The following ZNF429 variants were observed in gnomAD, a reference collection of about 807,000 sequenced individuals.
ZNF429 encodes zinc finger protein 429.
Under a neutral mutation model 56.8 loss-of-function variants are expected in ZNF429, and 53 were observed. That is an observed-to-expected ratio of 0.93 (90% CI 0.75 to 1.17). The LOEUF (loss-of-function observed/expected upper bound fraction) is 1.17. Ranked by LOEUF, ZNF429 falls within the 50% of genes most tolerant of loss-of-function variation. The probability of loss-of-function intolerance (pLI) is 0.00; values close to 1 mark genes in which losing one functional copy is unlikely to be tolerated. For synonymous variants in ZNF429, 278 were observed against 264.7 expected, an observed-to-expected ratio of 1.05 and a Z score of -0.49; for missense variants, 849 against 788.4, an observed-to-expected ratio of 1.08 and a Z score of -0.92.
At chr19:21,516,892 G>C (rs1443965041) in intron 1 of ZNF429, among the ~76,000 whole-genome samples, 1 of 151,926 alleles carries the variant, frequency 6.6e-6, no homozygotes, top group Non-Finnish European at 1.5e-5. Flanking sequence ...CTGCAAACAG[G>C]GTTAGTTTCC....
rs377716089 is a variant in ZNF429 at position 21,537,087 on chromosome 19, A to T, written c.1034A>T (p.Glu345Val). The T allele has an allele frequency of 3.7e-6, 6 of 1,613,910 alleles. No homozygotes were observed. The highest frequency in any genetic ancestry group is 5.1e-6 in the Non-Finnish European group (6 of 1,179,924). Residue 345 changes from glutamate (E) to valine (V), a missense_variant, in exon 4 of 4, where the codon GAA becomes GTA. By Grantham distance (121) the Glu-to-Val change is moderately radical. Transcript: ENST00000358491. ...HTGEKPYKCEECGKAFNWSST... is the reference protein window; with the variant it reads ...HTGEKPYKCEVCGKAFNWSST... ...GGTGAGAAACCCTACAAATGTGAAG[A>T]ATGTGGCAAAGCCTTTAACTGGTCT...
Position 21,538,336 on chromosome 19 carries a change from G to C in ZNF429, c.*258G>C, listed in dbSNP as rs944678025. Among the ~76,000 whole-genome samples, 1 of 142,450 alleles carries C rather than the reference G, an allele frequency of 7.0e-6. No individual in the cohort carries two copies. The highest frequency in any genetic ancestry group is 2.6e-5 in the African/African-American group (1 of 38,258). The allele number at this position is 142,450 out of a possible 152,430, so 93.5% of individuals were successfully genotyped here. A position where few individuals can be genotyped will look rare whatever the true frequency, so the allele number is the denominator to read the frequency against. On this transcript the variant is annotated 3_prime_UTR_variant, in exon 4 of 4. Coordinates refer to ENST00000358491, the MANE Select transcript of ZNF429 (RefSeq NM_001001415.4). ...TCATAGGCCAGGTATGGTGGCTCATGCCTGCCTGTAATCCCAGCACTTTGG... is the reference window on the plus strand; with the variant it reads ...TCATAGGCCAGGTATGGTGGCTCATCCCTGCCTGTAATCCCAGCACTTTGG...
intron 1 of ZNF429, among the ~76,000 whole-genome samples, chr19:21,506,778 T>TTTTTC: frequency 6.8e-6 from 1 of 146,746 alleles, no homozygotes; most frequent in East Asian, 2.0e-4. Context: ...TTTTTTTTTT[T>TTTTTC]TTTTTTTTGA....
intron 1 of ZNF429, among the ~76,000 whole-genome samples, chr19:21,522,791 G>A (rs1157425177): frequency 6.6e-6 from 1 of 152,104 alleles, no homozygotes; most frequent in Non-Finnish European, 1.5e-5. Flanking sequence ...CAGCTACTTG[G>A]AGGCCGAGAC....
At chr19:21,524,488 ACTGCAC>A (rs2033095535) in intron 1 of ZNF429, among the ~76,000 whole-genome samples, 1 of 152,042 alleles carries the variant, frequency 6.6e-6, no homozygotes, top group Non-Finnish European at 1.5e-5. Context: ...AGATCATGCC[ACTGCAC>A]TCCAGCCTGG....
chr19:21,538,773 C>A lies in ZNF429; in HGVS notation c.*695C>A, dbSNP rs991694981. ...AAAAATGTGGAAAAGCCATTAAAATCTGTTCACATCTTAACAACAGAGAGT... is the reference window on the plus strand; with the variant it reads ...AAAAATGTGGAAAAGCCATTAAAATATGTTCACATCTTAACAACAGAGAGT... On this transcript the variant is annotated 3_prime_UTR_variant, in exon 4 of 4. Transcript: ENST00000358491. 6.6e-6 allele frequency: 1 copy of A among 152,142 alleles called. No homozygotes were observed. The highest frequency in any genetic ancestry group is 2.4e-5 in the African/African-American group (1 of 41,438). 9.4% of individuals were successfully genotyped at this position (152,142 alleles called of 1,614,324 possible). A position where few individuals can be genotyped will look rare whatever the true frequency, so the allele number is the denominator to read the frequency against.
intron 1 of ZNF429, among the ~76,000 whole-genome samples, chr19:21,524,803 C>T (rs974161950): frequency 1.3e-5 from 2 of 152,144 alleles, no homozygotes; most frequent in South Asian, 4.1e-4. Flanking sequence ...GTTAATTCCG[C>T]TTCTGTTTCA....
intron 3 of ZNF429, among the ~76,000 whole-genome samples, chr19:21,531,796 ACT>A: frequency 6.8e-6 from 1 of 146,658 alleles, no homozygotes; most frequent in African/African-American, 2.5e-5. Flanking sequence ...ATGGAGTGAG[ACT>A]CTGTCTCAAA....
At position 21,538,277 on chromosome 19, in the gene ZNF429, CAAAAA is replaced by C. The variant is rs531427318; in HGVS notation, c.*217_*221del. Among the ~76,000 whole-genome samples, 14 of 34,382 alleles carry C rather than the reference CAAAAA, an allele frequency of 4.1e-4. No homozygotes were observed. The highest frequency in any genetic ancestry group is 6.5e-4 in the Non-Finnish European group (14 of 21,520). 22.6% of individuals were successfully genotyped at this position (34,382 alleles called of 152,430 possible). ...TGGGTGACAGAGCCAGACTCCATCTCAAAAAAAAAAAAAAAAAAAAAAGAAAAGAA... is the reference window on the plus strand; with the variant it reads ...TGGGTGACAGAGCCAGACTCCATCTCAAAAAAAAAAAAAAAAAGAAAAGAA... On this transcript the variant is annotated 3_prime_UTR_variant, in exon 4 of 4. Transcript: ENST00000358491.
At position 21,537,569 on chromosome 19, in the gene ZNF429, G is replaced by C. The variant is rs762182153; in HGVS notation, c.1516G>C (p.Glu506Gln). 3.1e-6 allele frequency: 5 copies of C among 1,613,594 alleles called. No individual in the cohort carries two copies. The Admixed American group carries it at 8.3e-5, about 27-fold the overall frequency. ...CAGTCATAAAAAAATTCATAGTGGA[G>C]AGAAACCCTACAAATGTGAAGAATG... ...LNSHKKIHSG[E>Q]KPYKCEECGK... Residue 506 changes from glutamate (E) to glutamine (Q), a missense_variant, in exon 4 of 4, where the codon GAG (glutamate) becomes CAG (glutamine). Transcript: ENST00000358491.
intron 1 of ZNF429, among the ~76,000 whole-genome samples, chr19:21,510,488 T>G (rs1404640647): frequency 6.6e-6 from 1 of 152,238 alleles, no homozygotes; most frequent in Non-Finnish European, 1.5e-5. Context: ...GCATGTTTAT[T>G]AAGAAAATAG....
chr19:21,531,546 A>G, intron 3 of ZNF429, among the ~76,000 whole-genome samples: 8 of 152,152 alleles, frequency 5.3e-5, no homozygotes, highest in African/African-American at 1.9e-4. Context: ...GCTCATGTCT[A>G]TAATCCCAGC....
At chr19:21,511,122 G>T (rs1181351664) in intron 1 of ZNF429, among the ~76,000 whole-genome samples, 1 of 152,166 alleles carries the variant, frequency 6.6e-6, no homozygotes, top group African/African-American at 2.4e-5. Flanking sequence ...GGTGGTGGCC[G>T]GGCAGAGGGG....
In ZNF429 at chr19:21,540,219, C is replaced by T. The variant is rs2033873277; in HGVS notation, c.*2141C>T. ...TAATGAAGCATTATTATGCTATCAACTTTAACCTATCCCACGTTACTCAAG... is the reference window on the plus strand; with the variant it reads ...TAATGAAGCATTATTATGCTATCAATTTTAACCTATCCCACGTTACTCAAG... On this transcript the variant is annotated 3_prime_UTR_variant, in exon 4 of 4. Transcript: ENST00000358491. Among the ~76,000 whole-genome samples, 1 of 152,088 alleles carries T rather than the reference C, an allele frequency of 6.6e-6. No individual in the cohort carries two copies. Among genetic ancestry groups the T allele is most frequent in the South Asian group, 2.1e-4 (1 of 4,830 alleles).
chr19:21,528,524 G>A (rs998249254), intron 1 of ZNF429, among the ~76,000 whole-genome samples: 1 of 152,002 alleles, frequency 6.6e-6, no homozygotes, highest in Admixed American at 6.6e-5. Context: ...GACCAACATG[G>A]TGAAACCCCA....
intron 1 of ZNF429, among the ~76,000 whole-genome samples, chr19:21,514,599 T>A (rs116566188): frequency 0.023 from 3,536 of 151,850 alleles, 91 homozygotes; most frequent in African/African-American, 0.057. Context: ...ATATATATAT[T>A]TTTTTATTTT....
chr19:21,507,959 G>T (rs1035983623), intron 1 of ZNF429, among the ~76,000 whole-genome samples: 1 of 152,126 alleles, frequency 6.6e-6, no homozygotes, highest in Non-Finnish European at 1.5e-5. Flanking sequence ...TGTGAAAAAA[G>T]ACTAGTATCT....
At position 21,539,628 on chromosome 19, in the gene ZNF429, A is replaced by G. The variant is rs1164564827; in HGVS notation, c.*1550A>G. Among the ~76,000 whole-genome samples the G allele has an allele frequency of 6.8e-6, 1 of 147,274 alleles. No individual in the cohort carries two copies. Among genetic ancestry groups the G allele is most frequent in the Non-Finnish European group, 1.5e-5 (1 of 67,104 alleles). ...GTATTTTTAGTAGAGATGAGATTTCACCATTTTGTCCAGGGTGGTCTCAAA... is the reference window on the plus strand; with the variant it reads ...GTATTTTTAGTAGAGATGAGATTTCGCCATTTTGTCCAGGGTGGTCTCAAA... On this transcript the variant is annotated 3_prime_UTR_variant, in exon 4 of 4. Transcript: ENST00000358491.
In ZNF429 at chr19:21,530,617, CA is replaced by C. The variant is rs765074368; in HGVS notation, c.160del (p.Thr54LeufsTer3). On this transcript the variant is annotated frameshift_variant, in exon 3 of 4. Coordinates refer to ENST00000358491, the MANE Select transcript of ZNF429 (RefSeq NM_001001415.4). LOFTEE classifies it high-confidence loss of function. ...TTGCTGTTTCTAAGCCAGACCTAAT[CA>C]CTTGTCTAGAGAAAGAAAAAGAACC... is the stretch of plus-strand genomic sequence containing the variant. ...GIAVSKPDLI[T>X]CLEKEKEPCK... The C allele has an allele frequency of 6.2e-7, 1 of 1,610,840 alleles. No homozygotes were observed. The highest frequency in any genetic ancestry group is 8.5e-7 in the Non-Finnish European group (1 of 1,178,582).
Sources: gnomAD v4.1 joint callset for allele counts (sites outside exome capture counted in the v4.1 genomes callset) on GRCh38, gnomAD v4.1.1 for gene constraint, MANE v1.5 for transcripts, NCBI Gene and HGNC (gene_info 2026-07-23, HGNC 2026-07-21) for gene names.